The following NALF1 variants were observed in gnomAD, a reference collection of about 807,000 sequenced individuals.
The protein encoded by NALF1 is family with sequence similarity 155 member A.
A neutral mutation model predicts 48.4 loss-of-function variants in NALF1; 3 were observed. The observed-to-expected ratio is 0.06, with a 90% CI of 0.03 to 0.16. The LOEUF is 0.16. Among genes scored for constraint, NALF1 ranks in the 10% least tolerant of loss-of-function variants. NALF1 has a pLI of 1.00. For missense variants in NALF1, 526 were observed against 571.5 expected, an observed-to-expected ratio of 0.92 and a Z score of 0.81; for synonymous variants, 262 against 245.7, an observed-to-expected ratio of 1.07 and a Z score of -0.62.
chr13:107,457,990 C>A (rs1884852093), intron 1 of NALF1, among the ~76,000 whole-genome samples: 1 of 151,050 alleles, frequency 6.6e-6, no homozygotes, highest in African/African-American at 2.5e-5. Context: ...CACTCCACAG[C>A]CTGATCTTAA....
At chr13:107,603,067 TTC>T (rs1226465304) in intron 1 of NALF1, among the ~76,000 whole-genome samples, 2 of 152,202 alleles carry the variant, frequency 1.3e-5, no homozygotes, top group Non-Finnish European at 2.9e-5. Context: ...TGATTAAAAT[TTC>T]TTTTTATGAA....
intron 1 of NALF1, among the ~76,000 whole-genome samples, chr13:107,316,429 G>C (rs547133722): frequency 6.6e-6 from 1 of 152,058 alleles, no homozygotes; most frequent in Non-Finnish European, 1.5e-5. Context: ...GGGATGGCTG[G>C]GTCAAATGGT....
intron 1 of NALF1, among the ~76,000 whole-genome samples, chr13:107,591,549 G>A (rs952069985): frequency 1.3e-5 from 2 of 151,922 alleles, no homozygotes; most frequent in Non-Finnish European, 2.9e-5. Context: ...TTATTATGGG[G>A]TTGACTTTGC....
chr13:107,602,655 G>A (rs1878961697), intron 1 of NALF1, among the ~76,000 whole-genome samples: 1 of 152,110 alleles, frequency 6.6e-6, no homozygotes, highest in Non-Finnish European at 1.5e-5. Flanking sequence ...AAATAATTAA[G>A]GAGTGCTTAA....
chr13:107,478,578 T>C (rs1346646194), intron 1 of NALF1, among the ~76,000 whole-genome samples: 1 of 152,102 alleles, frequency 6.6e-6, no homozygotes, highest in Non-Finnish European at 1.5e-5. Context: ...TACGGATTTT[T>C]CGGAAAGTCA....
intron 1 of NALF1, among the ~76,000 whole-genome samples, chr13:107,587,977 G>A (rs927109530): frequency 1.3e-5 from 2 of 152,180 alleles, no homozygotes; most frequent in Middle Eastern, 3.4e-3. Flanking sequence ...AAGAATGAAC[G>A]ACTGGCCAGC....
chr13:107,778,254 C>T (rs1050586019), intron 1 of NALF1, among the ~76,000 whole-genome samples: 2 of 152,168 alleles, frequency 1.3e-5, no homozygotes, highest in African/African-American at 4.8e-5. Flanking sequence ...ATCTGTCTTC[C>T]TCCATCCCTT....
At chr13:107,669,420 T>C (rs908685958) in intron 1 of NALF1, among the ~76,000 whole-genome samples, 1 of 151,918 alleles carries the variant, frequency 6.6e-6, no homozygotes, top group African/African-American at 2.4e-5. Context: ...TTCATCCAAA[T>C]AAAAAAACGG....
chr13:107,200,266 G>C (rs1485699174), intron 2 of NALF1, among the ~76,000 whole-genome samples: 3 of 152,194 alleles, frequency 2.0e-5, no homozygotes, highest in African/African-American at 7.2e-5. Context: ...ATTAGCCAGA[G>C]GAAGCTTTGA....
In NALF1 at chr13:107,589,562, T is replaced by C. The variant is rs953373228; in HGVS notation, c.915+276120A>G. Among the ~76,000 whole-genome samples the C allele has an allele frequency of 4.6e-5, 7 of 152,066 alleles. No homozygotes were observed. The East Asian group carries it at 5.8e-4, about 13-fold the overall frequency. ...AAATGATCTATCCAGGGTATTTTTT[T>C]CCCTGTGCATTAAAGAATAGCTGGT... is the stretch of plus-strand genomic sequence containing the variant. On this transcript the variant is annotated intron_variant, in intron 1 of 2. Coordinates refer to ENST00000375915, the MANE Select transcript of NALF1 (RefSeq NM_001080396.3).
Position 107,754,270 on chromosome 13 carries a change from TG to T in NALF1, c.915+111411del, listed in dbSNP as rs202135780. Among the ~76,000 whole-genome samples, 857 of 152,148 alleles carry T rather than the reference TG, an allele frequency of 5.6e-3. 4 individuals carry two copies. Among genetic ancestry groups the T allele is most frequent in the Non-Finnish European group, 8.1e-3 (551 of 67,982 alleles). On this transcript the variant is annotated intron_variant, in intron 1 of 2. Coordinates refer to ENST00000375915, the MANE Select transcript of NALF1 (RefSeq NM_001080396.3). ...AATGCAAATCCACAAACCTTTCATT[TG>T]ATTTGATTTTAGTGGTCCATTAAAT...
At chr13:107,763,780 T>C (rs368419139) in intron 1 of NALF1, among the ~76,000 whole-genome samples, 2 of 152,124 alleles carry the variant, frequency 1.3e-5, no homozygotes, top group African/African-American at 4.8e-5. Context: ...ACATCAATAT[T>C]ATACAAAGTT....
At chr13:107,799,346 C>A (rs1228204235) in intron 1 of NALF1, among the ~76,000 whole-genome samples, 3 of 152,118 alleles carry the variant, frequency 2.0e-5, no homozygotes, top group Non-Finnish European at 4.4e-5. Context: ...CTTGCAGGTA[C>A]GGAGATGAAA....
chr13:107,845,980 T>C (rs550882228), intron 1 of NALF1, among the ~76,000 whole-genome samples: 1 of 152,214 alleles, frequency 6.6e-6, no homozygotes, highest in East Asian at 1.9e-4. Context: ...TATATTAGAG[T>C]ATACAGCAAA....
chr13:107,528,844 C>T (rs1359917220), intron 1 of NALF1, among the ~76,000 whole-genome samples: 1 of 152,032 alleles, frequency 6.6e-6, no homozygotes, highest in Admixed American at 6.6e-5. Flanking sequence ...GTTAAAGAAC[C>T]AAAGAGACCA....
intron 1 of NALF1, among the ~76,000 whole-genome samples, chr13:107,270,071 G>C (rs1224901014): frequency 2.6e-5 from 4 of 151,726 alleles, no homozygotes; most frequent in Non-Finnish European, 5.9e-5. Flanking sequence ...CGCCTGGCCA[G>C]AAATATGTTT....
At chr13:107,188,916 G>C (rs1027265163) in intron 2 of NALF1, among the ~76,000 whole-genome samples, 2 of 152,148 alleles carry the variant, frequency 1.3e-5, no homozygotes, top group Admixed American at 1.3e-4. Flanking sequence ...ACAAATAACA[G>C]GAAGGGAAGT....
chr13:107,832,930 C>T (rs1396622180), intron 1 of NALF1, among the ~76,000 whole-genome samples: 1 of 152,216 alleles, frequency 6.6e-6, no homozygotes, highest in East Asian at 1.9e-4. Context: ...ACTCCAATCT[C>T]TTCTTCTTCA....
chr13:107,537,734 T>G (rs992840594), intron 1 of NALF1, among the ~76,000 whole-genome samples: 4 of 151,994 alleles, frequency 2.6e-5, no homozygotes, highest in African/African-American at 9.7e-5. Flanking sequence ...CTTCAAACTT[T>G]CAGATGGGCA....
Sources: gnomAD v4.1 joint callset for allele counts (sites outside exome capture counted in the v4.1 genomes callset) on GRCh38, gnomAD v4.1.1 for gene constraint, MANE v1.5 for transcripts, NCBI Gene and HGNC (gene_info 2026-07-23, HGNC 2026-07-21) for gene names.